The following LRP1B variants were observed in gnomAD, a reference collection of about 807,000 sequenced individuals.
LRP1B encodes the protein low-density lipoprotein receptor-related protein 1B.
A neutral mutation model predicts 556.6 loss-of-function variants in LRP1B; 217 were observed. The observed-to-expected ratio is 0.39, with a 90% confidence interval of 0.35 to 0.44. LRP1B has a LOEUF of 0.44. LRP1B is among the 20% of genes least tolerant of loss of function. LRP1B has a pLI of 1.00. For synonymous variants in LRP1B, 2,047 were observed against 1,865.8 expected, an observed-to-expected ratio of 1.10 and a Z score of -2.50; for missense variants, 5,053 against 5,620.8, an observed-to-expected ratio of 0.90 and a Z score of 3.23.
At chr2:141,482,455 G>A (rs907507728) in intron 2 of LRP1B, among the ~76,000 whole-genome samples, 1 of 151,848 alleles carries the variant, frequency 6.6e-6, no homozygotes, top group South Asian at 2.1e-4. Context: ...ACATGCTTCT[G>A]TAACTTGAGT....
chr2:140,410,541 A>G (rs1474289709), intron 66 of LRP1B, among the ~76,000 whole-genome samples: 1 of 152,100 alleles, frequency 6.6e-6, no homozygotes, highest in Non-Finnish European at 1.5e-5. Context: ...GCACGCTATG[A>G]AAGAAGTCCA....
chr2:141,756,376 T>C (rs1419429267), intron 2 of LRP1B, among the ~76,000 whole-genome samples: 2 of 152,002 alleles, frequency 1.3e-5, no homozygotes, highest in African/African-American at 4.8e-5. Context: ...AATTGAAAAA[T>C]ATATTGAATT....
At chr2:141,975,418 CT>C (rs1415979785) in intron 1 of LRP1B, among the ~76,000 whole-genome samples, 1 of 151,914 alleles carries the variant, frequency 6.6e-6, no homozygotes, top group East Asian at 1.9e-4. Context: ...AAGACATTAC[CT>C]TTTAAAACTC....
chr2:140,707,867 C>T (rs1342646165), intron 37 of LRP1B, among the ~76,000 whole-genome samples: 1 of 152,052 alleles, frequency 6.6e-6, no homozygotes, highest in African/African-American at 2.4e-5. Flanking sequence ...GGTAGCAGAA[C>T]CCTGTGCTAA....
At position 140,982,276 on chromosome 2, in the gene LRP1B, G is replaced by T. The variant is rs138881389; in HGVS notation, c.2771C>A (p.Ala924Asp). The T allele has an allele frequency of 2.5e-6, 4 of 1,602,392 alleles. No individual in the cohort carries two copies. Among genetic ancestry groups the T allele is most frequent in the Non-Finnish European group, 3.4e-6 (4 of 1,170,172 alleles). ...AAACTGGTCTACCTGGCATGTTCTG[G>T]CTATGATGATCAATTAATAAACAAA... ...NEDESNQTCT[A>D]RTCQVDQFSC... The change falls in exon 18 of 91, where the codon GCC (alanine) becomes GAC (aspartate). Residue 924 changes from alanine to aspartate, a missense_variant and splice_region_variant. Ala to Asp is a moderately radical substitution (Grantham distance 126, BLOSUM62 -2). Transcript: ENST00000389484.
chr2:140,533,882 TC>T (rs1194144085), intron 47 of LRP1B, 138 bp downstream of exon 47: 3 of 835,462 alleles, frequency 3.6e-6, no homozygotes, highest in Non-Finnish European at 3.6e-6. Flanking sequence ...GCAACTCCAT[TC>T]CAACAGCATT....
At chr2:141,346,212 T>A (rs1339441778) in intron 3 of LRP1B, among the ~76,000 whole-genome samples, 1 of 152,104 alleles carries the variant, frequency 6.6e-6, no homozygotes, top group African/African-American at 2.4e-5. Context: ...AAATAGATGA[T>A]CCTAGTGATT....
intron 41 of LRP1B, among the ~76,000 whole-genome samples, chr2:140,627,382 G>A (rs1346994886): frequency 6.6e-6 from 1 of 152,136 alleles, no homozygotes; most frequent in Non-Finnish European, 1.5e-5. Flanking sequence ...TAGATTAGCA[G>A]AGTCTTTTGG....
intron 3 of LRP1B, among the ~76,000 whole-genome samples, chr2:141,312,711 T>C (rs1285887993): frequency 6.6e-6 from 1 of 151,386 alleles, no homozygotes; most frequent in Non-Finnish European, 1.5e-5. Flanking sequence ...TTTTTTGTGA[T>C]GAAGTCTTGC....
intron 35 of LRP1B, among the ~76,000 whole-genome samples, chr2:140,740,855 TA>T (rs1573648408): frequency 6.6e-6 from 1 of 152,068 alleles, no homozygotes; most frequent in African/African-American, 2.4e-5. Flanking sequence ...ACACCAGTTA[TA>T]TTTGATTAGG....
rs1329243626 is a variant in LRP1B, at chr2:140,935,520, T to C, written c.3137-12373A>G. On this transcript the variant is annotated intron_variant, in intron 20 of 90. Coordinates refer to ENST00000389484, the MANE Select transcript of LRP1B (RefSeq NM_018557.3). ...AAGAGGGAAAAAAATCAAAGAAAAC[T>C]GAACACAGTATAAGAGACTTGCAGG... Among the ~76,000 whole-genome samples, 3 of 151,934 alleles carry C rather than the reference T, an allele frequency of 2.0e-5. No homozygotes were observed. In the East Asian group the frequency reaches 5.8e-4, roughly 29 times the overall value.
At chr2:140,538,750 G>C (rs1680024307) in intron 45 of LRP1B, among the ~76,000 whole-genome samples, 1 of 151,984 alleles carries the variant, frequency 6.6e-6, no homozygotes, top group South Asian at 2.1e-4. Context: ...CTTCTTGAAA[G>C]TCTATTGAGA....
chr2:140,940,588 A>C (rs1695370253), intron 20 of LRP1B, among the ~76,000 whole-genome samples: 1 of 152,156 alleles, frequency 6.6e-6, no homozygotes, highest in South Asian at 2.1e-4. Context: ...TGGGCTTTAG[A>C]GGAAGTTCCC....
chr2:141,469,892 A>G (rs1051846554), intron 3 of LRP1B, among the ~76,000 whole-genome samples: 1 of 152,198 alleles, frequency 6.6e-6, no homozygotes, highest in Non-Finnish European at 1.5e-5. Flanking sequence ...ACAATAAGGT[A>G]TTTTGAGAGA....
At chr2:140,367,357 A>G (rs1439688320) in intron 71 of LRP1B, among the ~76,000 whole-genome samples, 1 of 151,798 alleles carries the variant, frequency 6.6e-6, no homozygotes, top group East Asian at 1.9e-4. Context: ...GTCTGCAAAA[A>G]TGCTTAGCAG....
rs576487878 is a variant in LRP1B at position 140,663,092 on chromosome 2, A to G, written c.6799+37158T>C. ...AACAGCACACAAGAATTTCAGCTCA[A>G]TGATATGTTAAATTGCATGCTATAT... On this transcript the variant is annotated intron_variant, in intron 41 of 90. Coordinates refer to ENST00000389484, the MANE Select transcript of LRP1B (RefSeq NM_018557.3). 2.0e-5 allele frequency among the ~76,000 whole-genome samples: 3 copies of G among 152,340 alleles called. No homozygotes were observed. In the South Asian group the frequency reaches 6.2e-4, roughly 32 times the overall value.
chr2:140,774,101 A>G (rs531675816), intron 33 of LRP1B, among the ~76,000 whole-genome samples: 159 of 152,232 alleles, frequency 1.0e-3, no homozygotes, highest in African/African-American at 3.5e-3. Context: ...TGATGTTAAC[A>G]CCTTAAAGAG....
intron 2 of LRP1B, among the ~76,000 whole-genome samples, chr2:141,716,499 G>A (rs146287125): frequency 6.6e-6 from 1 of 152,114 alleles, no homozygotes; most frequent in Admixed American, 6.6e-5. Flanking sequence ...TACTTGGTGA[G>A]AAATACATCA....
chr2:140,494,068 C>T (rs1361522298), intron 56 of LRP1B, among the ~76,000 whole-genome samples: 1 of 152,124 alleles, frequency 6.6e-6, no homozygotes, highest in Non-Finnish European at 1.5e-5. Context: ...AAATATATTT[C>T]ATTTTTAAAA....
Sources: allele counts gnomAD v4.1 joint callset (sites outside exome capture counted in the v4.1 genomes callset), GRCh38; gene constraint gnomAD v4.1.1; transcripts MANE v1.5; gene names NCBI Gene and HGNC (gene_info 2026-07-23, HGNC 2026-07-21).